Variants in GLRA2 observed in about 807,000 individuals in gnomAD.
GLRA2 encodes the protein glycine receptor subunit alpha-2.
Under a neutral mutation model 31.6 loss-of-function variants are expected in GLRA2, and 11 were observed. The observed-to-expected ratio is 0.35, with a 90% confidence interval of 0.22 to 0.58. The LOEUF (loss-of-function observed/expected upper bound fraction) is 0.58. Ranked by LOEUF, GLRA2 falls within the 20% of genes least tolerant of loss-of-function variation. The pLI, the probability that GLRA2 is intolerant of heterozygous loss-of-function variation, is 0.84. For missense variants in GLRA2, 212 were observed against 351.8 expected (o/e 0.60, Z 3.18); for synonymous variants, 132 against 134.0 (o/e 0.99, Z 0.10).
chrX:14,701,341 T>C (rs2091538206), intron 8 of GLRA2, among the ~76,000 whole-genome samples: 2 of 110,936 alleles, frequency 1.8e-5, no homozygotes, highest in South Asian at 7.6e-4. Flanking sequence ...GGTTCCACAA[T>C]TGATCCAGGC....
intron 8 of GLRA2, among the ~76,000 whole-genome samples, chrX:14,706,204 A>G (rs990637495): frequency 3.6e-5 from 4 of 111,949 alleles, no homozygotes; most frequent in African/African-American, 1.3e-4. Flanking sequence ...CAGCAGCATC[A>G]GCATCACCTA....
chrX:14,533,857 A>G (rs2089289035), intron 2 of GLRA2, among the ~76,000 whole-genome samples: 1 of 111,635 alleles, frequency 9.0e-6, no homozygotes, highest in Admixed American at 9.5e-5. Flanking sequence ...CAGGTAAATC[A>G]CTACAGGATT....
At chrX:14,628,795 G>A (rs968072827) in intron 7 of GLRA2, among the ~76,000 whole-genome samples, 1 of 111,580 alleles carries the variant, frequency 9.0e-6, no homozygotes, top group African/African-American at 3.3e-5. Context: ...AAACAGGGAG[G>A]CACATAGGTC....
the GLRA2 span, among the ~76,000 whole-genome samples, chrX:14,471,117 C>A: frequency 8.9e-6 from 1 of 111,911 alleles, no homozygotes; most frequent in Non-Finnish European, 1.9e-5. Flanking sequence ...ATCCTAAGAA[C>A]TTTTATTTTT....
intron 5 of GLRA2, among the ~76,000 whole-genome samples, chrX:14,606,924 C>T (rs761553725): frequency 8.9e-6 from 1 of 112,101 alleles, no homozygotes; most frequent in South Asian, 3.7e-4. Flanking sequence ...AAAATCCATC[C>T]ATAAGTAGCT....
chrX:14,506,940 G>A, the GLRA2 span, among the ~76,000 whole-genome samples: 1 of 111,962 alleles, frequency 8.9e-6, no homozygotes, highest in African/African-American at 3.2e-5. Flanking sequence ...TCAGGTGACA[G>A]CTATTAATAA....
At chrX:14,617,272 C>T (rs2090464017) in intron 7 of GLRA2, among the ~76,000 whole-genome samples, 1 of 111,627 alleles carries the variant, frequency 9.0e-6, no homozygotes, top group Non-Finnish European at 1.9e-5. Flanking sequence ...AAAAAATGAA[C>T]TATTGTGGAG....
chrX:14,601,779 T>C (rs2090278044), intron 4 of GLRA2, among the ~76,000 whole-genome samples: 1 of 111,155 alleles, frequency 9.0e-6, no homozygotes, highest in Non-Finnish European at 1.9e-5. Context: ...TTTACTTGAA[T>C]AGATTGTAAA....
At chrX:14,556,811 CAAG>C (rs1470909517) in intron 2 of GLRA2, among the ~76,000 whole-genome samples, 4 of 112,016 alleles carry the variant, frequency 3.6e-5, no homozygotes, top group Non-Finnish European at 7.5e-5. Context: ...CAGAGTGACT[CAAG>C]AGCTATTCAG....
chrX:14,525,562 A>T (rs1309484474), upstream of GLRA2, among the ~76,000 whole-genome samples: 2 of 111,807 alleles, frequency 1.8e-5, no homozygotes, highest in Admixed American at 1.9e-4. Context: ...TTATGTAATT[A>T]TGTAACACTT....
At chrX:14,723,155 C>T (rs1375589173) in intron 8 of GLRA2, among the ~76,000 whole-genome samples, 1 of 112,084 alleles carries the variant, frequency 8.9e-6, no homozygotes, top group Non-Finnish European at 1.9e-5. Context: ...TCACCTACCC[C>T]ATGTATCTAT....
chrX:14,486,044 T>A, the GLRA2 span, among the ~76,000 whole-genome samples: 1 of 111,639 alleles, frequency 9.0e-6, no homozygotes, highest in South Asian at 3.8e-4. Flanking sequence ...ATTAAGACAC[T>A]GGTATTGTCT....
intron 5 of GLRA2, among the ~76,000 whole-genome samples, chrX:14,605,008 T>C (rs2090319231): frequency 9.0e-6 from 1 of 111,420 alleles, no homozygotes. Flanking sequence ...AAAGGCCATC[T>C]ACTTTGTCCC....
intron 2 of GLRA2, among the ~76,000 whole-genome samples, chrX:14,566,608 C>T (rs2089810034): frequency 9.0e-6 from 1 of 111,494 alleles, no homozygotes. Context: ...GCTCAGTCAC[C>T]CTTGACATAG....
At chrX:14,631,351 C>T (rs2090644351) in intron 7 of GLRA2, among the ~76,000 whole-genome samples, 1 of 110,965 alleles carries the variant, frequency 9.0e-6, no homozygotes, top group Non-Finnish European at 1.9e-5. Context: ...ATGTCCTTGT[C>T]TGCTAATTCT....
At chrX:14,599,768 G>GT (rs1006357551) in intron 4 of GLRA2, among the ~76,000 whole-genome samples, 4 of 110,949 alleles carry the variant, frequency 3.6e-5, no homozygotes, top group Non-Finnish European at 7.6e-5. Context: ...TAAGATTTGT[G>GT]TTTTTTTACT....
intron 7 of GLRA2, among the ~76,000 whole-genome samples, chrX:14,629,062 G>A (rs1394909421): frequency 2.7e-5 from 3 of 111,390 alleles, no homozygotes; most frequent in African/African-American, 9.8e-5. Context: ...TAGAATTAAT[G>A]GGACATAGCA....
intron 2 of GLRA2, among the ~76,000 whole-genome samples, chrX:14,539,361 T>C (rs372400639): frequency 8.1e-5 from 9 of 111,533 alleles, no homozygotes; most frequent in East Asian, 5.7e-4. Context: ...TCCTGACTGT[T>C]GTATGAAGCG....
intron 2 of GLRA2, among the ~76,000 whole-genome samples, chrX:14,565,382 C>T (rs2089789857): frequency 9.0e-6 from 1 of 111,508 alleles, no homozygotes; most frequent in Non-Finnish European, 1.9e-5. Context: ...CAAAGAATGA[C>T]ATTATATATG....
Sources: gnomAD v4.1 joint callset for allele counts (sites outside exome capture counted in the v4.1 genomes callset) on GRCh38, gnomAD v4.1.1 for gene constraint, MANE v1.5 for transcripts, NCBI Gene and HGNC (gene_info 2026-07-23, HGNC 2026-07-21) for gene names.